Variants in NALF1 observed in about 807,000 individuals in gnomAD.
NALF1 encodes the protein family with sequence similarity 155 member A.
A neutral mutation model predicts 48.4 loss-of-function variants in NALF1; 3 were observed. That is an observed-to-expected ratio of 0.06 (90% CI 0.03 to 0.16). NALF1 has a LOEUF of 0.16. Ranked by LOEUF, NALF1 falls within the 10% of genes least tolerant of loss-of-function variation. The pLI is 1.00. For synonymous variants in NALF1, 262 were observed against 245.7 expected (o/e 1.07, Z -0.62); for missense variants, 526 against 571.5 (o/e 0.92, Z 0.81).
At chr13:107,231,831 C>T (rs1182836545) in intron 1 of NALF1, among the ~76,000 whole-genome samples, 2 of 152,204 alleles carry the variant, frequency 1.3e-5, no homozygotes, top group Non-Finnish European at 2.9e-5. Flanking sequence ...CCTTTAGAAA[C>T]CTTTTAAATC....
chr13:107,303,611 T>C (rs989030043), intron 1 of NALF1, among the ~76,000 whole-genome samples: 1 of 152,204 alleles, frequency 6.6e-6, no homozygotes, highest in Non-Finnish European at 1.5e-5. Context: ...CCTGTTTTCA[T>C]TATTACAAAC....
At chr13:107,370,015 G>T (rs543627920) in intron 1 of NALF1, among the ~76,000 whole-genome samples, 6 of 152,212 alleles carry the variant, frequency 3.9e-5, no homozygotes, top group South Asian at 2.1e-4. Flanking sequence ...AGAAAAACTC[G>T]TCATGGAAAG....
chr13:107,785,074 G>GTGTATGTATATATACACACACATATATA (rs1594265171), intron 1 of NALF1, among the ~76,000 whole-genome samples: 1 of 151,938 alleles, frequency 6.6e-6, no homozygotes, highest in Non-Finnish European at 1.5e-5. Context: ...GTATGTGTGT[G>GTGTATGTATATATACACACACATATATA]TGTATGTATA....
intron 1 of NALF1, among the ~76,000 whole-genome samples, chr13:107,501,978 T>C (rs746484445): frequency 2.6e-5 from 4 of 152,184 alleles, no homozygotes; most frequent in African/African-American, 4.8e-5. Context: ...CTTTTGTCAT[T>C]TGCAGATAAT....
At chr13:107,662,306 C>T (rs895968298) in intron 1 of NALF1, among the ~76,000 whole-genome samples, 1 of 152,174 alleles carries the variant, frequency 6.6e-6, no homozygotes, top group African/African-American at 2.4e-5. Context: ...ACCCTGGATT[C>T]AACTGCGTGG....
chr13:107,496,438 T>G (rs1594094443), intron 1 of NALF1, among the ~76,000 whole-genome samples: 1 of 152,282 alleles, frequency 6.6e-6, no homozygotes. Flanking sequence ...CCAAAGCTAT[T>G]GCTGAGACGG....
intron 1 of NALF1, among the ~76,000 whole-genome samples, chr13:107,288,510 G>A (rs1378029838): frequency 5.4e-5 from 8 of 149,292 alleles, no homozygotes; most frequent in African/African-American, 1.2e-4. Flanking sequence ...GTGAGCCACC[G>A]CGCCCAGCCT....
intron 1 of NALF1, among the ~76,000 whole-genome samples, chr13:107,588,770 T>C (rs1211126380): frequency 6.6e-6 from 1 of 152,068 alleles, no homozygotes; most frequent in African/African-American, 2.4e-5. Context: ...GCATTCTGCA[T>C]AGGTACAAAA....
chr13:107,753,250 T>G (rs1876990059), intron 1 of NALF1, among the ~76,000 whole-genome samples: 1 of 152,218 alleles, frequency 6.6e-6, no homozygotes, highest in African/African-American at 2.4e-5. Context: ...ATTACTTTTC[T>G]AAGCTTTTAT....
intron 1 of NALF1, among the ~76,000 whole-genome samples, chr13:107,661,537 G>C (rs1880734886): frequency 1.3e-5 from 2 of 151,684 alleles, no homozygotes; most frequent in African/African-American, 4.9e-5. Context: ...AACTAAATAT[G>C]AAAGGCCTAA....
At chr13:107,427,598 AAAG>A (rs1480136978) in intron 1 of NALF1, among the ~76,000 whole-genome samples, 1 of 152,218 alleles carries the variant, frequency 6.6e-6, no homozygotes, top group African/African-American at 2.4e-5. Context: ...TGCAAAAAGA[AAAG>A]AAATACAAAA....
intron 1 of NALF1, among the ~76,000 whole-genome samples, chr13:107,469,995 G>A (rs981680912): frequency 2.6e-5 from 4 of 151,468 alleles, no homozygotes; most frequent in South Asian, 2.1e-4. Context: ...TGCCCGACTC[G>A]GCCTCCCAAA....
intron 1 of NALF1, among the ~76,000 whole-genome samples, chr13:107,674,003 A>T (rs1420174401): frequency 6.6e-6 from 1 of 152,154 alleles, no homozygotes; most frequent in East Asian, 1.9e-4. Context: ...TCTCCAAAAC[A>T]CATTTACAGT....
At chr13:107,796,596 C>A (rs919212936) in intron 1 of NALF1, among the ~76,000 whole-genome samples, 2 of 152,104 alleles carry the variant, frequency 1.3e-5, no homozygotes. Flanking sequence ...GTACTACTCT[C>A]GCTGCTTTAT....
intron 1 of NALF1, among the ~76,000 whole-genome samples, chr13:107,482,314 A>G (rs940683750): frequency 2.6e-5 from 4 of 152,044 alleles, no homozygotes; most frequent in Admixed American, 6.6e-5. Flanking sequence ...GTATGAGCCA[A>G]TTCTTTACAA....
rs769796669 is a variant in NALF1 at position 107,374,203 on chromosome 13, C to G, written c.916-163448G>C. On this transcript the variant is annotated intron_variant, in intron 1 of 2. Transcript: ENST00000375915. ...CTTCTCTGCTGTAGTCAACCTGGAC[C>G]AGTCACCATCCCACAAACACATCAT... 7.2e-5 allele frequency among the ~76,000 whole-genome samples: 11 copies of G among 152,294 alleles called. No homozygotes were observed. The South Asian group carries it at 1.0e-3, about 14-fold the overall frequency.
At chr13:107,239,130 A>G (rs894376126) in intron 1 of NALF1, among the ~76,000 whole-genome samples, 14 of 152,252 alleles carry the variant, frequency 9.2e-5, no homozygotes, top group African/African-American at 3.1e-4. Context: ...AAGAAAAAAA[A>G]GGAATTTTTA....
intron 1 of NALF1, among the ~76,000 whole-genome samples, chr13:107,267,893 C>T (rs919115603): frequency 2.6e-5 from 4 of 151,880 alleles, no homozygotes; most frequent in Non-Finnish European, 4.4e-5. Flanking sequence ...ATTCACGTCT[C>T]GGGCAGGACA....
chr13:107,850,700 C>T (rs1880286446), intron 1 of NALF1, among the ~76,000 whole-genome samples: 1 of 152,110 alleles, frequency 6.6e-6, no homozygotes, highest in African/African-American at 2.4e-5. Flanking sequence ...GTCAGGAGTT[C>T]AATACCAGCC....
Sources: allele counts gnomAD v4.1 joint callset (sites outside exome capture counted in the v4.1 genomes callset), GRCh38; gene constraint gnomAD v4.1.1; transcripts MANE v1.5; gene names NCBI Gene and HGNC (gene_info 2026-07-23, HGNC 2026-07-21).